The following ASTN2 variants were observed in gnomAD, a reference collection of about 807,000 sequenced individuals.
The protein encoded by ASTN2 is astrotactin-2.
A neutral mutation model predicts 139.8 loss-of-function variants in ASTN2; 54 were observed. That is an observed-to-expected ratio of 0.39 (90% confidence interval 0.31 to 0.48). ASTN2 has a LOEUF of 0.48. Ranked by LOEUF, ASTN2 falls within the 20% of genes least tolerant of loss-of-function variation. ASTN2 has a pLI of 0.95. For missense variants in ASTN2, 1,565 were observed against 1,725.1 expected, an observed-to-expected ratio of 0.91 and a Z score of 1.64; for synonymous variants, 756 against 719.5, an observed-to-expected ratio of 1.05 and a Z score of -0.81.
chr9:116,733,542 A>C lies in ASTN2; in HGVS notation c.2397-19T>G. 1 of 1,613,990 alleles carries C rather than the reference A, an allele frequency of 6.2e-7. No individual in the cohort carries two copies. The highest frequency in any genetic ancestry group is 8.5e-7 in the Non-Finnish European group (1 of 1,179,864). The stretch of plus-strand genomic sequence containing the variant: ...GTTCTCCCTGTGGAGAGGAGCAGAG[A>C]GACTGCCAAATCGAGGAAGTGGAGA... On this transcript the variant is annotated intron_variant, in intron 13 of 22. Coordinates refer to ENST00000313400, the MANE Select transcript of ASTN2 (RefSeq NM_001365068.1).
At chr9:116,894,445 GA>G (rs1188210148) in intron 10 of ASTN2, among the ~76,000 whole-genome samples, 5 of 152,314 alleles carry the variant, frequency 3.3e-5, no homozygotes, top group East Asian at 1.9e-4. Flanking sequence ...GTAATTCTGA[GA>G]AAATCCTGAT....
Position 117,224,435 on chromosome 9 carries a change from TCCC to T in ASTN2, c.631-9696_631-9694del, listed in dbSNP as rs558108776. Among the ~76,000 whole-genome samples, 879 of 152,160 alleles carry T rather than the reference TCCC, an allele frequency of 5.8e-3. 6 individuals carry two copies. The highest frequency in any genetic ancestry group is 0.02 in the African/African-American group (842 of 41,496). On this transcript the variant is annotated intron_variant, in intron 2 of 22. Transcript: ENST00000313400. ...ACAAAGTAGTGGTGAAACCACTACT[TCCC>T]CTCCACTATACAATCAGATATTCTC...
Position 117,370,371 on chromosome 9 carries a change from A to C in ASTN2, c.442+44126T>G, listed in dbSNP as rs557549480. 3.9e-5 allele frequency among the ~76,000 whole-genome samples: 6 copies of C among 152,292 alleles called. No individual in the cohort carries two copies. In the South Asian group the frequency reaches 8.3e-4, roughly 21 times the overall value. On this transcript the variant is annotated intron_variant, in intron 1 of 22. Coordinates refer to ENST00000313400, the MANE Select transcript of ASTN2 (RefSeq NM_001365068.1). The stretch of plus-strand genomic sequence containing the variant: ...CCCTGGCCCAGCAATGCCTCGGTGA[A>C]CACCAAAGGCACACGGCCTCTAAGC...
At chr9:116,970,354 AG>A (rs1443291784) in intron 10 of ASTN2, among the ~76,000 whole-genome samples, 1 of 152,180 alleles carries the variant, frequency 6.6e-6, no homozygotes, top group African/African-American at 2.4e-5. Flanking sequence ...CTACTGGTCC[AG>A]GGAATACACT....
chr9:117,008,350 T>C (rs1837420673), intron 6 of ASTN2, 91 bp from the exon 7 acceptor site: 3 of 1,186,556 alleles, frequency 2.5e-6, no homozygotes, highest in Non-Finnish European at 2.3e-6. Context: ...ACAAGCCACG[T>C]TCCCCAGGTC....
chr9:116,503,113 G>A (rs1220534140), intron 19 of ASTN2, among the ~76,000 whole-genome samples: 6 of 151,002 alleles, frequency 4.0e-5, no homozygotes, highest in Non-Finnish European at 8.9e-5. Context: ...AAGAAAAAAG[G>A]AAGGAGAAAG....
At chr9:116,741,137 T>C (rs1829087868) in intron 13 of ASTN2, among the ~76,000 whole-genome samples, 1 of 152,148 alleles carries the variant, frequency 6.6e-6, no homozygotes, top group Non-Finnish European at 1.5e-5. Context: ...CCTCAGGTCT[T>C]TGCTGCCTGC....
At position 116,467,620 on chromosome 9, in the gene ASTN2, A is replaced by G. The variant is rs556663211; in HGVS notation, c.3497+19739T>C. Among the ~76,000 whole-genome samples, 49 of 152,336 alleles carry G rather than the reference A, an allele frequency of 3.2e-4. 1 individual carries two copies. The South Asian group carries it at 9.7e-3, about 30-fold the overall frequency. On this transcript the variant is annotated intron_variant, in intron 20 of 22. Coordinates refer to ENST00000313400, the MANE Select transcript of ASTN2 (RefSeq NM_001365068.1). Reference sequence around the variant, plus strand: ...CCTGGATTCAGCTGGGGCTGAAGTCAGCACACTGTTAGACTTCCCAGTTAT... The same window carrying G: ...CCTGGATTCAGCTGGGGCTGAAGTCGGCACACTGTTAGACTTCCCAGTTAT...
chr9:116,793,778 A>C (rs1020611788), intron 13 of ASTN2, among the ~76,000 whole-genome samples: 1 of 152,218 alleles, frequency 6.6e-6, no homozygotes, highest in African/African-American at 2.4e-5. Flanking sequence ...TGCATAATCT[A>C]TATTTTAGCA....
At chr9:117,291,557 C>A (rs1264862920) in intron 1 of ASTN2, 44 bp from the exon 2 acceptor site, 3 of 1,528,194 alleles carry the variant, frequency 2.0e-6, no homozygotes, top group Non-Finnish European at 2.6e-6. Context: ...GTACGCCTGG[C>A]CTTGGTGCTC....
At chr9:117,269,359 A>G (rs1003247392) in intron 2 of ASTN2, among the ~76,000 whole-genome samples, 8 of 152,164 alleles carry the variant, frequency 5.3e-5, no homozygotes, top group African/African-American at 1.2e-4. Flanking sequence ...ATTTCCCCCA[A>G]TGCATTTCCC....
At chr9:117,114,712 C>T (rs930335280) in intron 4 of ASTN2, among the ~76,000 whole-genome samples, 1 of 152,098 alleles carries the variant, frequency 6.6e-6, no homozygotes. Context: ...CTTGTTACTG[C>T]TTTGACTAAA....
chr9:116,606,261 C>T (rs914089014), intron 19 of ASTN2, among the ~76,000 whole-genome samples: 5 of 152,102 alleles, frequency 3.3e-5, no homozygotes, highest in East Asian at 3.9e-4. Flanking sequence ...CGGAACTGAC[C>T]GAGCGATGGC....
At chr9:116,572,523 T>A (rs1253207896) in intron 19 of ASTN2, among the ~76,000 whole-genome samples, 1 of 152,184 alleles carries the variant, frequency 6.6e-6, no homozygotes, top group Non-Finnish European at 1.5e-5. Context: ...AGGGTGTGAA[T>A]AAGTGCACTG....
In ASTN2 at chr9:116,723,022, G is replaced by A. The variant is rs539742829; in HGVS notation, c.2806+2749C>T. ...CTACTAAAAATAGAAAAAATTAGCC[G>A]GGCATGGTGGCGGGCGCCTGTAGTC... On this transcript the variant is annotated intron_variant, in intron 16 of 22. Coordinates refer to ENST00000313400, the MANE Select transcript of ASTN2 (RefSeq NM_001365068.1). 5.3e-5 allele frequency among the ~76,000 whole-genome samples: 8 copies of A among 152,160 alleles called. No homozygotes were observed. In the South Asian group the frequency reaches 1.0e-3, roughly 20 times the overall value.
At chr9:116,835,174 AT>A in intron 11 of ASTN2, among the ~76,000 whole-genome samples, 1 of 152,190 alleles carries the variant, frequency 6.6e-6, no homozygotes, top group East Asian at 1.9e-4. Context: ...ACCAATTCTG[AT>A]TTTTTTCTTG....
chr9:117,374,174 C>T (rs1312594252), intron 1 of ASTN2, among the ~76,000 whole-genome samples: 1 of 152,056 alleles, frequency 6.6e-6, no homozygotes, highest in Non-Finnish European at 1.5e-5. Flanking sequence ...GACTAGGAAG[C>T]AGGGCTTAGG....
intron 4 of ASTN2, among the ~76,000 whole-genome samples, chr9:117,105,100 T>C (rs1829071052): frequency 6.6e-6 from 1 of 152,100 alleles, no homozygotes; most frequent in African/African-American, 2.4e-5. Flanking sequence ...TCCTGCCTTA[T>C]CTTTTGCAAT....
At chr9:117,002,308 A>G (rs1837213758) in intron 7 of ASTN2, among the ~76,000 whole-genome samples, 1 of 152,210 alleles carries the variant, frequency 6.6e-6, no homozygotes, top group Admixed American at 6.5e-5. Context: ...GAGAAGAAGT[A>G]AGAAGAAATT....
Sources: allele counts gnomAD v4.1 joint callset (sites outside exome capture counted in the v4.1 genomes callset), GRCh38; gene constraint gnomAD v4.1.1; transcripts MANE v1.5; gene names NCBI Gene and HGNC (gene_info 2026-07-23, HGNC 2026-07-21).